The following EYS variants were observed in gnomAD, a reference collection of about 807,000 sequenced individuals.
EYS encodes EGF-like photoreceptor maintenance factor, also known as protein eyes shut homolog.
EYS carries 250 observed loss-of-function variants against 282.1 expected under a neutral mutation model. That is an observed-to-expected ratio of 0.89 (90% CI 0.80 to 0.98). The LOEUF (loss-of-function observed/expected upper bound fraction) is 0.98, where lower values mean the gene tolerates loss of function less well. Ranked by LOEUF, EYS falls within the 50% of genes least tolerant of loss-of-function variation. EYS has a pLI of 0.00. For missense variants in EYS, 4,016 were observed against 3,709.0 expected (o/e 1.08, Z -2.15); for synonymous variants, 1,355 against 1,282.9 (o/e 1.06, Z -1.20).
At chr6:63,731,974 G>T (rs1422644771) in intron 41 of EYS, among the ~76,000 whole-genome samples, 4 of 151,982 alleles carry the variant, frequency 2.6e-5, no homozygotes, top group African/African-American at 7.2e-5. Flanking sequence ...TGGGAGGGGG[G>T]GTCTCAAGAA....
intron 15 of EYS, 97 bp from the exon 16 acceptor site, chr6:64,912,840 C>T: frequency 1.5e-6 from 1 of 672,660 alleles, no homozygotes; most frequent in Non-Finnish European, 2.2e-6. Flanking sequence ...GTATGTGGTG[C>T]TTTTAAATTT....
intron 12 of EYS, among the ~76,000 whole-genome samples, chr6:65,288,180 T>C (rs2150280837): frequency 6.6e-6 from 1 of 151,020 alleles, no homozygotes; most frequent in South Asian, 2.1e-4. Flanking sequence ...ATGTAAGGAG[T>C]ATAAATGGAC....
At chr6:63,906,329 T>A (rs917952232) in intron 35 of EYS, among the ~76,000 whole-genome samples, 4 of 152,206 alleles carry the variant, frequency 2.6e-5, no homozygotes, top group African/African-American at 9.6e-5. Context: ...CATCCACAAA[T>A]TACGGCACCT....
At position 65,130,115 on chromosome 6, in the gene EYS, A is replaced by T. The variant is rs1410683804; in HGVS notation, c.2024-72388T>A. Among the ~76,000 whole-genome samples, 20 of 151,918 alleles carry T rather than the reference A, an allele frequency of 1.3e-4. 1 individual carries two copies. Among genetic ancestry groups the T allele is most frequent in the Admixed American group, 1.3e-3 (20 of 15,192 alleles). ...AGTAGGAGTTAAACATTAAGTATAC[A>T]TAGAGATAAAAATAGGAAAAAATAG... On this transcript the variant is annotated intron_variant, in intron 12 of 42. Transcript: ENST00000503581.
chr6:65,627,950 G>T (rs1216216537), intron 2 of EYS, among the ~76,000 whole-genome samples: 1 of 152,242 alleles, frequency 6.6e-6, no homozygotes, highest in African/African-American at 2.4e-5. Flanking sequence ...GGACTGGCAG[G>T]CAGCTCCACC....
intron 28 of EYS, among the ~76,000 whole-genome samples, chr6:64,390,206 C>T (rs542995350): frequency 8.5e-5 from 13 of 152,188 alleles, no homozygotes; most frequent in East Asian, 1.9e-4. Context: ...GAGGGGTGCC[C>T]GCCATTGCCC....
At chr6:65,214,117 C>CA (rs927224128) in intron 12 of EYS, among the ~76,000 whole-genome samples, 2 of 138,948 alleles carry the variant, frequency 1.4e-5, no homozygotes, top group Non-Finnish European at 3.0e-5. Flanking sequence ...CGAGATTGCG[C>CA]CACTGCACTC....
At chr6:64,113,656 T>C (rs1374696893) in intron 31 of EYS, among the ~76,000 whole-genome samples, 1 of 152,156 alleles carries the variant, frequency 6.6e-6, no homozygotes, top group Non-Finnish European at 1.5e-5. Flanking sequence ...GAATTGGCAG[T>C]TCTGTTCTCT....
chr6:64,958,607 C>T (rs998286972), intron 14 of EYS, among the ~76,000 whole-genome samples: 1 of 149,784 alleles, frequency 6.7e-6, no homozygotes, highest in African/African-American at 2.4e-5. Flanking sequence ...CAGTGGCGGG[C>T]GCCTGTAGTC....
chr6:65,349,850 T>G (rs191823809), intron 9 of EYS, among the ~76,000 whole-genome samples: 80 of 151,644 alleles, frequency 5.3e-4, no homozygotes, highest in African/African-American at 1.9e-3. Flanking sequence ...TTCTTTCAGA[T>G]TATGTATGCA....
chr6:63,809,672 C>G (rs930855948), intron 36 of EYS, among the ~76,000 whole-genome samples: 4 of 151,758 alleles, frequency 2.6e-5, no homozygotes, highest in African/African-American at 9.7e-5. Flanking sequence ...CAAAAGGTAT[C>G]CAGACATCAT....
rs2150463929 is a variant in EYS at position 64,436,207 on chromosome 6, A to T, written c.5894T>A (p.Val1965Glu). Reference protein sequence around the residue: ...KFKSINTTVRVDNGQKYTLLI... With the variant: ...KFKSINTTVREDNGQKYTLLI... ...CAGTGTATACTTTTGCCCGTTGTCC[A>T]CTCTAACAGTAGTATTAATGCTTTT... Residue 1965 changes from valine to glutamate, a missense_variant, in exon 28 of 43, where the codon GTG (valine) becomes GAG (glutamate). Val to Glu is a moderately radical substitution (Grantham distance 121). Transcript: ENST00000503581. 1 of 1,544,056 alleles carries T rather than the reference A, an allele frequency of 6.5e-7. No homozygotes were observed. The highest frequency in any genetic ancestry group is 2.5e-5 in the East Asian group (1 of 40,700).
At chr6:64,919,264 C>T (rs189918365) in intron 15 of EYS, among the ~76,000 whole-genome samples, 337 of 152,114 alleles carry the variant, frequency 2.2e-3, no homozygotes, top group African/African-American at 7.8e-3. Flanking sequence ...TTCTGCTGCC[C>T]GGGTTCAAGC....
chr6:63,947,711 G>C (rs1765440032), intron 35 of EYS, among the ~76,000 whole-genome samples: 1 of 152,078 alleles, frequency 6.6e-6, no homozygotes, highest in South Asian at 2.1e-4. Context: ...TTTACAGCAA[G>C]CAGGAATATT....
intron 31 of EYS, among the ~76,000 whole-genome samples, chr6:64,180,992 C>T (rs1764772605): frequency 6.6e-6 from 1 of 152,104 alleles, no homozygotes; most frequent in Non-Finnish European, 1.5e-5. Flanking sequence ...TCTATTGTTT[C>T]CACCTTCGTG....
intron 29 of EYS, among the ~76,000 whole-genome samples, chr6:64,371,254 A>T (rs923974599): frequency 6.0e-5 from 9 of 148,796 alleles, no homozygotes; most frequent in Non-Finnish European, 1.0e-4. Flanking sequence ...TTAATTTCTG[A>T]CTTATTTTTT....
At chr6:65,164,937 C>G (rs911537546) in intron 12 of EYS, among the ~76,000 whole-genome samples, 1 of 151,158 alleles carries the variant, frequency 6.6e-6, no homozygotes, top group Admixed American at 6.6e-5. Flanking sequence ...TTAGGGGCCA[C>G]CATAATGATC....
intron 12 of EYS, among the ~76,000 whole-genome samples, chr6:65,219,266 T>C (rs1766397727): frequency 6.6e-6 from 1 of 152,180 alleles, no homozygotes; most frequent in Non-Finnish European, 1.5e-5. Flanking sequence ...TGGTTCATGC[T>C]GCCAGATTTG....
intron 18 of EYS, among the ~76,000 whole-genome samples, chr6:64,901,027 G>A (rs985476481): frequency 6.8e-6 from 1 of 147,692 alleles, no homozygotes; most frequent in African/African-American, 2.6e-5. Flanking sequence ...AAAAAAAAAT[G>A]TGACACATAT....
Sources: gnomAD v4.1 joint callset for allele counts (sites outside exome capture counted in the v4.1 genomes callset) on GRCh38, gnomAD v4.1.1 for gene constraint, MANE v1.5 for transcripts, NCBI Gene and HGNC (gene_info 2026-07-23, HGNC 2026-07-21) for gene names.